The following MARCHF1 variants were observed in gnomAD, a reference collection of about 807,000 sequenced individuals.
MARCHF1 encodes membrane associated ring-CH-type finger 1, also known as E3 ubiquitin-protein ligase MARCHF1.
A neutral mutation model predicts 54.2 loss-of-function variants in MARCHF1; 40 were observed. That is an observed-to-expected ratio of 0.74 (90% CI 0.57 to 0.96). The LOEUF (loss-of-function observed/expected upper bound fraction) is 0.96. Among genes scored for constraint, MARCHF1 ranks in the 40% least tolerant of loss-of-function variants. MARCHF1 has a pLI of 0.00. For synonymous variants in MARCHF1, 236 were observed against 236.3 expected (o/e 1.00, Z 0.01); for missense variants, 586 against 656.5 (o/e 0.89, Z 1.17).
At chr4:163,893,064 A>AT (rs781043843) in intron 3 of MARCHF1, among the ~76,000 whole-genome samples, 2,211 of 145,366 alleles carry the variant, frequency 0.015, 31 homozygotes, top group Admixed American at 0.037. Context: ...CCCCAGAAGG[A>AT]TTTTTTTTTT....
intron 3 of MARCHF1, among the ~76,000 whole-genome samples, chr4:163,950,830 A>G (rs910237300): frequency 2.0e-5 from 3 of 152,260 alleles, no homozygotes; most frequent in Non-Finnish European, 4.4e-5. Flanking sequence ...TGAAAAGTAC[A>G]TATTCAAGAA....
chr4:163,850,132 G>A (rs1258216827), intron 4 of MARCHF1, among the ~76,000 whole-genome samples: 9 of 152,266 alleles, frequency 5.9e-5, no homozygotes, highest in East Asian at 1.9e-4. Flanking sequence ...AGCAGTGGAC[G>A]TTGGGTCCAG....
Position 163,587,094 on chromosome 4 carries a change from T to C in MARCHF1, c.1011-1165A>G, listed in dbSNP as rs542460301. On this transcript the variant is annotated intron_variant, in intron 7 of 9. Coordinates refer to ENST00000514618, the MANE Select transcript of MARCHF1 (RefSeq NM_001394959.1). ...AGTTGAATTTGTTTCTGAACTACTATGAATTCTAGTTTCACAGATTTATGG... is the reference window on the plus strand; with the variant it reads ...AGTTGAATTTGTTTCTGAACTACTACGAATTCTAGTTTCACAGATTTATGG... 3.9e-5 allele frequency among the ~76,000 whole-genome samples: 6 copies of C among 152,350 alleles called. 1 individual carries two copies. The South Asian group carries it at 1.2e-3, about 32-fold the overall frequency.
chr4:164,294,223 C>G (rs191007329), intron 1 of MARCHF1, among the ~76,000 whole-genome samples: 1 of 152,232 alleles, frequency 6.6e-6, no homozygotes, highest in Admixed American at 6.5e-5. Flanking sequence ...TTTTGGGACT[C>G]GGACTGGCTT....
intron 4 of MARCHF1, among the ~76,000 whole-genome samples, chr4:163,723,647 A>C (rs1190312693): frequency 1.3e-5 from 2 of 152,044 alleles, no homozygotes; most frequent in Non-Finnish European, 2.9e-5. Flanking sequence ...TCTCCCCATC[A>C]CTTTCAGGTA....
At chr4:163,766,923 T>C (rs1746993002) in intron 4 of MARCHF1, among the ~76,000 whole-genome samples, 1 of 152,130 alleles carries the variant, frequency 6.6e-6, no homozygotes, top group Admixed American at 6.5e-5. Context: ...TTTCCTCAGA[T>C]TTTTAAACAT....
At chr4:164,089,983 G>A (rs1012369432) in intron 2 of MARCHF1, among the ~76,000 whole-genome samples, 6 of 150,806 alleles carry the variant, frequency 4.0e-5, no homozygotes, top group African/African-American at 1.2e-4. Flanking sequence ...TATTTCTGTA[G>A]AAATATAATA....
intron 8 of MARCHF1, among the ~76,000 whole-genome samples, chr4:163,560,999 T>C (rs757364599): frequency 2.6e-5 from 4 of 152,166 alleles, no homozygotes; most frequent in Non-Finnish European, 5.9e-5. Context: ...CCAATCGAGA[T>C]GCTTTTATTT....
chr4:163,612,904 T>A lies in MARCHF1; in HGVS notation c.377A>T (p.Glu126Val). The A allele has an allele frequency of 6.5e-7, 1 of 1,535,504 alleles. No individual in the cohort carries two copies. ...TTCTTCTGCAGCATGCTCATATCTC[T>A]CAGAGGCTTTTCTCCTCCTCCTAGG... is the stretch of plus-strand genomic sequence containing the variant. ...QRPRRRRKAS[E>V]RYEHAAEEQI... The change falls in exon 7 of 10, where the codon GAG becomes GTG. Residue 126 changes from glutamate to valine, a missense_variant. This residue lies in a region of MARCHF1 where 387 missense variants were observed against 394.6 expected (regional missense o/e 0.98). Transcript: ENST00000514618.
chr4:163,982,082 T>C (rs1752775070), intron 3 of MARCHF1, among the ~76,000 whole-genome samples: 1 of 152,262 alleles, frequency 6.6e-6, no homozygotes, highest in Non-Finnish European at 1.5e-5. Context: ...GAAAAATTAA[T>C]GTGAATTATG....
chr4:164,176,980 C>A (rs4056069), intron 1 of MARCHF1, among the ~76,000 whole-genome samples: 31,654 of 56,574 alleles, frequency 0.56, 9,716 homozygotes, highest in Non-Finnish European at 0.7. Context: ...CTCTCTCTCT[C>A]TATATATATA....
rs569453031 is a variant in MARCHF1, at chr4:163,951,228, G to A, written c.-39+37273C>T. On this transcript the variant is annotated intron_variant, in intron 3 of 9. Transcript: ENST00000514618. The stretch of plus-strand genomic sequence containing the variant: ...TTTGCACTTATCCATGAACATATCT[G>A]TAACTTTATCTTTAGGTCTATTGAT... 2.0e-5 allele frequency among the ~76,000 whole-genome samples: 3 copies of A among 152,318 alleles called. No homozygotes were observed. In the East Asian group the frequency reaches 5.8e-4, roughly 29 times the overall value.
At chr4:163,914,257 T>C (rs1751258577) in intron 3 of MARCHF1, among the ~76,000 whole-genome samples, 1 of 152,094 alleles carries the variant, frequency 6.6e-6, no homozygotes, top group Non-Finnish European at 1.5e-5. Flanking sequence ...TTTATATACA[T>C]TTAAGAAACT....
At chr4:163,961,484 G>T (rs1042468415) in intron 3 of MARCHF1, among the ~76,000 whole-genome samples, 4 of 151,880 alleles carry the variant, frequency 2.6e-5, no homozygotes, top group Admixed American at 2.6e-4. Context: ...ATTGACTTAA[G>T]TGGAAGCAAA....
intron 1 of MARCHF1, among the ~76,000 whole-genome samples, chr4:164,151,339 C>A (rs781426255): frequency 6.6e-6 from 1 of 152,120 alleles, no homozygotes; most frequent in Non-Finnish European, 1.5e-5. Flanking sequence ...TTCAAAATTA[C>A]GGAAACTACC....
intron 5 of MARCHF1, among the ~76,000 whole-genome samples, chr4:163,637,119 G>C (rs574462704): frequency 6.6e-6 from 1 of 151,456 alleles, no homozygotes; most frequent in East Asian, 1.9e-4. Flanking sequence ...AGACTTAAGC[G>C]TTAGACCTAA....
chr4:164,177,800 GAA>G (rs1013827276), intron 1 of MARCHF1, among the ~76,000 whole-genome samples: 2 of 78,892 alleles, frequency 2.5e-5, no homozygotes, highest in African/African-American at 4.5e-5. Flanking sequence ...GTGTGTGTAT[GAA>G]AGAGACACAC....
chr4:163,567,855 A>G (rs971819938), intron 8 of MARCHF1, among the ~76,000 whole-genome samples: 1 of 152,092 alleles, frequency 6.6e-6, no homozygotes, highest in East Asian at 1.9e-4. Context: ...GACGTATGCC[A>G]TATACCTAGA....
chr4:163,957,866 T>G (rs955869305), intron 3 of MARCHF1, among the ~76,000 whole-genome samples: 4 of 152,092 alleles, frequency 2.6e-5, no homozygotes, highest in African/African-American at 9.7e-5. Flanking sequence ...CACAGGCTCC[T>G]GCAATAGCCT....
Sources: allele counts gnomAD v4.1 joint callset (sites outside exome capture counted in the v4.1 genomes callset), GRCh38; gene constraint gnomAD v4.1.1; regional missense constraint gnomAD v4.1.1; transcripts MANE v1.5; gene names NCBI Gene and HGNC (gene_info 2026-07-23, HGNC 2026-07-21).